Variants in MGAM observed in about 807,000 individuals in gnomAD.
The protein encoded by MGAM is maltase-glucoamylase, also known as alpha-1,4-glucosidase.
In MGAM, 253 loss-of-function variants were observed where a neutral mutation model predicts 358.8. That is an observed-to-expected ratio of 0.71 (90% confidence interval 0.64 to 0.78). The LOEUF (loss-of-function observed/expected upper bound fraction) is 0.78, where lower values mean the gene tolerates loss of function less well. MGAM is among the 30% of genes least tolerant of loss of function. The pLI is 0.00. For synonymous variants in MGAM, 1,105 were observed against 1,227.1 expected, an observed-to-expected ratio of 0.90 and a Z score of 2.08; for missense variants, 3,080 against 3,432.6, an observed-to-expected ratio of 0.90 and a Z score of 2.57.
chr7:142,017,336 C>T (rs1806048540), intron 3 of MGAM, among the ~76,000 whole-genome samples: 1 of 152,062 alleles, frequency 6.6e-6, no homozygotes, highest in Admixed American at 6.5e-5. Context: ...CTATTCATGC[C>T]ATCATTTTCT....
At position 142,034,983 on chromosome 7, in the gene MGAM, T is replaced by C. The variant is rs1056162593; in HGVS notation, c.1959+142T>C. ...CTTGAGAGCATGTGCTTCATCCACATCAGCAGGGCTTTGATACCATGACAT... is the reference window on the plus strand; with the variant it reads ...CTTGAGAGCATGTGCTTCATCCACACCAGCAGGGCTTTGATACCATGACAT... On this transcript the variant is annotated intron_variant, in intron 16 of 70. Coordinates refer to ENST00000475668, the MANE Select transcript of MGAM (RefSeq NM_001365693.1). 8.9e-6 allele frequency: 7 copies of C among 784,586 alleles called. No individual in the cohort carries two copies. The African/African-American group carries it at 1.2e-4, about 14-fold the overall frequency. 48.6% of individuals were successfully genotyped at this position (784,586 alleles called of 1,614,324 possible). A position where few individuals can be genotyped will look rare whatever the true frequency, so the allele number is the denominator to read the frequency against.
Position 142,059,981 on chromosome 7 carries a change from G to A in MGAM, c.4059+15G>A, listed in dbSNP as rs558877932. ...TCTGGGGAAAGGTATAATCCTAAGCGATGATCCACTAGTCCCCAGCCTGAG... is the reference window on the plus strand; with the variant it reads ...TCTGGGGAAAGGTATAATCCTAAGCAATGATCCACTAGTCCCCAGCCTGAG... On this transcript the variant is annotated intron_variant, in intron 33 of 70. Transcript: ENST00000475668. 9.5e-6 allele frequency: 15 copies of A among 1,585,246 alleles called. No individual in the cohort carries two copies. Among genetic ancestry groups the A allele is most frequent in the Middle Eastern group, 1.7e-4 (1 of 5,766 alleles).
chr7:141,987,061 C>T (rs549084543), intron 2 of MGAM, among the ~76,000 whole-genome samples: 12 of 152,198 alleles, frequency 7.9e-5, no homozygotes, highest in Non-Finnish European at 1.5e-4. Flanking sequence ...AGACGAAACA[C>T]GAGCCTGTCA....
chr7:142,083,484 A>G, intron 53 of MGAM, 71 bp downstream of exon 53: 1 of 1,083,396 alleles, frequency 9.2e-7, no homozygotes, highest in South Asian at 1.5e-5. Flanking sequence ...CACATTCATT[A>G]GTATAACTCT....
At chr7:142,067,275 G>A in intron 41 of MGAM, 66 bp from the exon 42 acceptor site, 1 of 1,154,464 alleles carries the variant, frequency 8.7e-7, no homozygotes, top group Non-Finnish European at 1.3e-6. Context: ...AACTTGAGGA[G>A]CTTCTTCAGA....
chr7:142,026,408 A>G (rs554716121), intron 8 of MGAM, among the ~76,000 whole-genome samples: 1 of 152,194 alleles, frequency 6.6e-6, no homozygotes, highest in Admixed American at 6.5e-5. Context: ...AAAAAGGTAG[A>G]TTAGCAATAG....
chr7:142,082,664 C>CA, intron 52 of MGAM, 93 bp downstream of exon 52: 1 of 1,050,496 alleles, frequency 9.5e-7, no homozygotes, highest in Non-Finnish European at 1.4e-6. Context: ...TCCTTGAAGT[C>CA]AAAATCTTCA....
In MGAM at chr7:142,037,615, C is replaced by T. The variant is rs192824722; in HGVS notation, c.2231+638C>T. On this transcript the variant is annotated intron_variant, in intron 18 of 70. Coordinates refer to ENST00000475668, the MANE Select transcript of MGAM (RefSeq NM_001365693.1). ...TTATTTTGGGAAGTTTTTGTCTGCT[C>T]ATGAAATTTCTTGTTAAAAGGCAGA... 2.2e-3 allele frequency among the ~76,000 whole-genome samples: 340 copies of T among 152,084 alleles called. 2 individuals are homozygous for T. Among genetic ancestry groups the T allele is most frequent in the African/African-American group, 7.4e-3 (308 of 41,498 alleles).
chr7:142,032,641 G>A (rs1217329455), intron 13 of MGAM, among the ~76,000 whole-genome samples, 184 bp from the exon 14 acceptor site: 2 of 152,120 alleles, frequency 1.3e-5, no homozygotes, highest in African/African-American at 4.8e-5. Flanking sequence ...GAGAGGTTAA[G>A]AACCTTCTTC....
intron 1 of MGAM, among the ~76,000 whole-genome samples, chr7:142,004,857 AAG>A (rs1446308902): frequency 6.6e-6 from 1 of 152,082 alleles, no homozygotes; most frequent in Non-Finnish European, 1.5e-5. Context: ...GATTGCAAAA[AAG>A]AGAATTAACT....
At chr7:142,004,188 T>G (rs1804968343) in intron 1 of MGAM, among the ~76,000 whole-genome samples, 2 of 151,380 alleles carry the variant, frequency 1.3e-5, no homozygotes, top group African/African-American at 4.9e-5. Flanking sequence ...ATTCCACTAC[T>G]GAGTATCTAC....
At position 142,097,613 on chromosome 7, in the gene MGAM, A is replaced by T; in HGVS notation, c.7713A>T (p.Ala2571=). 1 of 1,612,934 alleles carries T rather than the reference A, an allele frequency of 6.2e-7. No homozygotes were observed. Among genetic ancestry groups the T allele is most frequent in the African/African-American group, 1.3e-5 (1 of 75,044 alleles). ...VLERNARNVT[A]YFPRARWYDY... ...TTTAGAATGCCAGAAATGTCACTGC[A>T]TATTTCCCTAGAGCCCGCTGGTATG... Residue 2571 remains alanine, a synonymous_variant, in exon 66 of 71, where the codon GCA becomes GCT. Coordinates refer to ENST00000475668, the MANE Select transcript of MGAM (RefSeq NM_001365693.1).
rs61733478 is a variant in MGAM at position 142,005,603 on chromosome 7, A to G, written c.73A>G (p.Ile25Val). The part of the protein sequence containing the change: ...VLSVLLLVLF[I>V]ISIVLIVLLA... ...CAGTGTTCTTCTGCTTGTGTTGTTT[A>G]TCATCAGTATTGTTCTAATTGTGCT... Residue 25 changes from isoleucine (I) to valine (V), a missense_variant, in exon 2 of 71, where the codon ATC (isoleucine) becomes GTC (valine). By Grantham distance (29) the Ile-to-Val change is conservative. Around this residue, in one of 5 missense-constraint regions of MGAM, gnomAD observed 1,816 missense variants for 1,840.5 expected, o/e 0.99. Coordinates refer to ENST00000475668, the MANE Select transcript of MGAM (RefSeq NM_001365693.1). The G allele has an allele frequency of 2.4e-3, 3,777 of 1,589,506 alleles. 85 individuals are homozygous for G. In the African/African-American group the frequency reaches 0.045, roughly 19 times the overall value.
Position 142,095,769 on chromosome 7 carries a change from G to A in MGAM, c.7607+56G>A, listed in dbSNP as rs1157053497. On this transcript the variant is annotated intron_variant, in intron 64 of 70. Coordinates refer to ENST00000475668, the MANE Select transcript of MGAM (RefSeq NM_001365693.1). ...ATGGATGACTTATTGCATTCTATAT[G>A]GTGACAGTTGAATTCTTCCAAATTA... 34 of 1,595,662 alleles carry A rather than the reference G, an allele frequency of 2.1e-5. No individual in the cohort carries two copies. The East Asian group carries it at 7.6e-4, about 36-fold the overall frequency.
chr7:141,987,469 G>A (rs1563090021), intron 2 of MGAM, among the ~76,000 whole-genome samples: 1 of 152,188 alleles, frequency 6.6e-6, no homozygotes, highest in African/African-American at 2.4e-5. Flanking sequence ...ATTTTTGGGA[G>A]GGCGAATCCA....
rs1327337846 is a variant in MGAM, at chr7:142,063,489, G to C, written c.4258-10G>C. The C allele has an allele frequency of 1.4e-5, 22 of 1,612,436 alleles. No homozygotes were observed. The Admixed American group carries it at 2.0e-4, about 15-fold the overall frequency. ...AAAAAGTGAGGTATGTCTGTGTTTGGCATTTCTAGGATATGAATGAACCAT... is the reference window on the plus strand; with the variant it reads ...AAAAAGTGAGGTATGTCTGTGTTTGCCATTTCTAGGATATGAATGAACCAT... On this transcript the variant is annotated splice_polypyrimidine_tract_variant and intron_variant, in intron 35 of 70. Transcript: ENST00000475668.
At chr7:142,078,498 A>G (rs1813941364) in intron 48 of MGAM, 28 bp downstream of exon 48, 2 of 1,519,304 alleles carry the variant, frequency 1.3e-6, no homozygotes, top group South Asian at 2.4e-5. Flanking sequence ...GTTCATGTGC[A>G]TGAAAATCTC....
Position 142,021,043 on chromosome 7 carries a change from T to C in MGAM, c.518T>C (p.Leu173Pro), listed in dbSNP as rs782028908. 1.1e-5 allele frequency: 18 copies of C among 1,613,280 alleles called. No homozygotes were observed. The highest frequency in any genetic ancestry group is 1.5e-5 in the Non-Finnish European group (18 of 1,179,572). ...GGAAGCAATGTTGACAATGTTCTTCTCACAGCAGAATATCAGACATCTAAT... is the reference window on the plus strand; with the variant it reads ...GGAAGCAATGTTGACAATGTTCTTCCCACAGCAGAATATCAGACATCTAAT... ...VFGSNVDNVL[L>P]TAEYQTSNRF... The change falls in exon 5 of 71, where the codon CTC becomes CCC. Residue 173 changes from leucine (L) to proline (P), a missense_variant. Transcript: ENST00000475668.
rs1419610099 is a variant in MGAM at position 142,067,253 on chromosome 7, G to A, written c.4920-88G>A. 1.3e-5 allele frequency: 14 copies of A among 1,090,694 alleles called. 2 individuals carry two copies. The Admixed American group carries it at 1.6e-4, about 12-fold the overall frequency. The allele number at this position is 1,090,694 out of a possible 1,614,324, so 67.6% of individuals were successfully genotyped here. A position where few individuals can be genotyped will look rare whatever the true frequency, so the allele number is the denominator to read the frequency against. On this transcript the variant is annotated intron_variant, in intron 41 of 70. Transcript: ENST00000475668. ...ATGGCTCAGGGGCAGCTGTATTTCC[G>A]ACTTGGATCTGAACTTGAGGAGCTT...
Sources: gnomAD v4.1 joint callset for allele counts (sites outside exome capture counted in the v4.1 genomes callset) on GRCh38, gnomAD v4.1.1 for gene constraint, gnomAD v4.1.1 regional missense constraint, MANE v1.5 for transcripts, NCBI Gene and HGNC (gene_info 2026-07-23, HGNC 2026-07-21) for gene names.